The following KIF26B variants were observed in gnomAD, a reference collection of about 807,000 sequenced individuals.
The protein encoded by KIF26B is kinesin family member 26B, also known as kinesin-like protein KIF26B.
Under a neutral mutation model 151.2 loss-of-function variants are expected in KIF26B, and 63 were observed. The observed-to-expected ratio is 0.42, with a 90% CI of 0.34 to 0.51. The LOEUF (loss-of-function observed/expected upper bound fraction) is 0.51, where lower values mean the gene tolerates loss of function less well. KIF26B is among the 20% of genes least tolerant of loss of function. The pLI, the probability that KIF26B is intolerant of heterozygous loss-of-function variation, is 0.07. For missense variants in KIF26B, 2,813 were observed against 2,913.6 expected (o/e 0.97, Z 0.79); for synonymous variants, 1,357 against 1,262.1 (o/e 1.08, Z -1.59).
At chr1:245,630,682 T>C (rs1219338990) in intron 9 of KIF26B, among the ~76,000 whole-genome samples, 2 of 152,106 alleles carry the variant, frequency 1.3e-5, no homozygotes, top group African/African-American at 4.8e-5. Context: ...CAAGCCACCA[T>C]AGTACATGGA....
At chr1:245,395,316 G>T (rs928706580) in intron 3 of KIF26B, among the ~76,000 whole-genome samples, 2 of 152,142 alleles carry the variant, frequency 1.3e-5, no homozygotes, top group African/African-American at 4.8e-5. Context: ...TTCTTGATTT[G>T]CTTGATTTGG....
chr1:245,611,706 A>T, intron 8 of KIF26B, 87 bp from the exon 9 acceptor site: 1 of 1,400,838 alleles, frequency 7.1e-7, no homozygotes, highest in Non-Finnish European at 9.7e-7. Flanking sequence ...ACACACAGCC[A>T]GCTGAATGGT....
intron 2 of KIF26B, among the ~76,000 whole-genome samples, chr1:245,190,257 C>T (rs1448911129): frequency 6.6e-6 from 1 of 152,192 alleles, no homozygotes; most frequent in East Asian, 1.9e-4. Context: ...TATCAGCAGC[C>T]TATGGGATGT....
chr1:245,654,311 G>T (rs35230156), intron 10 of KIF26B, among the ~76,000 whole-genome samples: 15,067 of 152,106 alleles, frequency 0.099, 831 homozygotes, highest in Middle Eastern at 0.13. Flanking sequence ...AATGATGAGG[G>T]GTGGGGAGGG....
At chr1:245,292,285 G>C (rs532273444) in intron 2 of KIF26B, among the ~76,000 whole-genome samples, 3 of 152,310 alleles carry the variant, frequency 2.0e-5, no homozygotes, top group South Asian at 2.1e-4. Context: ...TCTCAGCCTT[G>C]AGTGCACATG....
intron 4 of KIF26B, among the ~76,000 whole-genome samples, chr1:245,430,318 C>G (rs1658747331): frequency 6.6e-6 from 1 of 151,926 alleles, no homozygotes; most frequent in Non-Finnish European, 1.5e-5. Context: ...CACCCTAATA[C>G]AGTACCGCTA....
rs1661309879 is a variant in KIF26B at position 245,529,343 on chromosome 1, A to G, written c.1167-11424A>G. Among the ~76,000 whole-genome samples the G allele has an allele frequency of 2.6e-5, 4 of 152,170 alleles. No homozygotes were observed. In the South Asian group the frequency reaches 8.3e-4, roughly 32 times the overall value. ...ATTGCAGCAGCTTCACCAACCCTGAAAAACCACAGCATCAGATGGTTTCTT... is the reference window on the plus strand; with the variant it reads ...ATTGCAGCAGCTTCACCAACCCTGAGAAACCACAGCATCAGATGGTTTCTT... On this transcript the variant is annotated intron_variant, in intron 4 of 14. Coordinates refer to ENST00000407071, the MANE Select transcript of KIF26B (RefSeq NM_018012.4).
chr1:245,257,582 C>T (rs375278733), intron 2 of KIF26B, among the ~76,000 whole-genome samples: 52 of 152,270 alleles, frequency 3.4e-4, no homozygotes, highest in African/African-American at 1.2e-3. Flanking sequence ...CTTCAGGGCC[C>T]GTCGTGTGAA....
chr1:245,462,112 G>A lies in KIF26B; in HGVS notation c.1166+42367G>A, dbSNP rs143677424. 8.7e-4 allele frequency among the ~76,000 whole-genome samples: 132 copies of A among 152,158 alleles called. 1 individual carries two copies. The East Asian group carries it at 0.022, about 25-fold the overall frequency. ...CACTCCAGCCTTGGCAATGGAGAGA[G>A]ACCCTGTCTCAGAAAAAGAAAAAAA... On this transcript the variant is annotated intron_variant, in intron 4 of 14. Transcript: ENST00000407071.
At chr1:245,231,907 G>A (rs949500346) in intron 2 of KIF26B, among the ~76,000 whole-genome samples, 7 of 151,980 alleles carry the variant, frequency 4.6e-5, no homozygotes, top group African/African-American at 1.4e-4. Context: ...CAAAGTTATC[G>A]AAAAAAAAGT....
chr1:245,179,787 G>A (rs1668872345), intron 2 of KIF26B, among the ~76,000 whole-genome samples: 1 of 152,222 alleles, frequency 6.6e-6, no homozygotes, highest in Admixed American at 6.5e-5. Context: ...AGAAAGACCA[G>A]GGGTGGACCT....
In KIF26B at chr1:245,215,298, CAGCATGACACGGTCCAGGTA is replaced by C. The variant is rs543464766; in HGVS notation, c.465+58617_465+58636del. ...CCAGGTGCCCTCCAGCCAGCGGCCCCAGCATGACACGGTCCAGGTAACCTCCCTTCACCGTGCTATTGGGA... is the reference window on the plus strand; with the variant it reads ...CCAGGTGCCCTCCAGCCAGCGGCCCCACCTCCCTTCACCGTGCTATTGGGA... On this transcript the variant is annotated intron_variant, in intron 2 of 14. Coordinates refer to ENST00000407071, the MANE Select transcript of KIF26B (RefSeq NM_018012.4). Among the ~76,000 whole-genome samples, 20 of 152,234 alleles carry C rather than the reference CAGCATGACACGGTCCAGGTA, an allele frequency of 1.3e-4. No individual in the cohort carries two copies. In the East Asian group the frequency reaches 3.7e-3, roughly 28 times the overall value.
chr1:245,444,156 C>T (rs1659193074), intron 4 of KIF26B, among the ~76,000 whole-genome samples: 7 of 149,756 alleles, frequency 4.7e-5, no homozygotes, highest in African/African-American at 1.7e-4. Context: ...GAGCGGTCAT[C>T]TCCCTCACTG....
intron 10 of KIF26B, among the ~76,000 whole-genome samples, chr1:245,675,834 G>A (rs2044350857): frequency 6.6e-6 from 1 of 152,108 alleles, no homozygotes; most frequent in Admixed American, 6.6e-5. Context: ...GAGCAACAGG[G>A]ATTATTTTTA....
At chr1:245,697,851 G>C (rs1277600663) in intron 12 of KIF26B, among the ~76,000 whole-genome samples, 3 of 152,076 alleles carry the variant, frequency 2.0e-5, no homozygotes, top group Non-Finnish European at 4.4e-5. Flanking sequence ...ACCAGCCTGG[G>C]CAATATAGCA....
chr1:245,198,102 G>C (rs546832932), intron 2 of KIF26B, among the ~76,000 whole-genome samples: 2 of 152,010 alleles, frequency 1.3e-5, no homozygotes, highest in African/African-American at 2.4e-5. Context: ...GCAGATACTC[G>C]TTGAGGGCTT....
At chr1:245,689,013 C>A (rs2044584716) in intron 12 of KIF26B, among the ~76,000 whole-genome samples, 2 of 152,094 alleles carry the variant, frequency 1.3e-5, no homozygotes, top group South Asian at 4.1e-4. Flanking sequence ...TCCTTTCCCA[C>A]GGCCCGGCAC....
At chr1:245,287,194 G>A (rs1176456575) in intron 2 of KIF26B, among the ~76,000 whole-genome samples, 1 of 152,064 alleles carries the variant, frequency 6.6e-6, no homozygotes, top group African/African-American at 2.4e-5. Context: ...TTGCAGGTCT[G>A]GGGCTATTTT....
intron 9 of KIF26B, 39 bp downstream of exon 9, chr1:245,612,015 T>C: frequency 6.3e-7 from 1 of 1,595,302 alleles, no homozygotes; most frequent in Non-Finnish European, 8.6e-7. Flanking sequence ...CCTTAGCGGC[T>C]CTGGCCCCAG....
Sources: gnomAD v4.1 joint callset for allele counts (sites outside exome capture counted in the v4.1 genomes callset) on GRCh38, gnomAD v4.1.1 for gene constraint, MANE v1.5 for transcripts, NCBI Gene and HGNC (gene_info 2026-07-23, HGNC 2026-07-21) for gene names.